EYA1: variants seen among roughly 807,000 people sequenced by gnomAD.
EYA1 encodes the protein EYA transcriptional coactivator and phosphatase 1.
In EYA1, 16 loss-of-function variants were observed where a neutral mutation model predicts 82.0. The ratio of observed to expected loss-of-function variants is 0.20; its 90% confidence interval spans 0.13 to 0.30. EYA1 has a LOEUF of 0.30. EYA1 is among the 10% of genes least tolerant of loss of function. EYA1 has a pLI of 1.00. For missense variants in EYA1, 633 were observed against 730.7 expected, an observed-to-expected ratio of 0.87 and a Z score of 1.54; for synonymous variants, 261 against 264.4, an observed-to-expected ratio of 0.99 and a Z score of 0.12.
At chr8:71,301,343 A>T (rs1413696920) in intron 7 of EYA1, among the ~76,000 whole-genome samples, 1 of 152,174 alleles carries the variant, frequency 6.6e-6, no homozygotes, top group Non-Finnish European at 1.5e-5. Context: ...AGATCAGATG[A>T]GGTAATGTTT....
intron 2 of EYA1, among the ~76,000 whole-genome samples, chr8:71,436,738 C>T (rs1204105062): frequency 6.6e-6 from 1 of 152,044 alleles, no homozygotes; most frequent in African/African-American, 2.4e-5. Flanking sequence ...AAAGAGAAAT[C>T]TTTAAACAAA....
At chr8:71,376,722 C>T (rs1468268076) in intron 2 of EYA1, among the ~76,000 whole-genome samples, 2 of 152,134 alleles carry the variant, frequency 1.3e-5, no homozygotes, top group African/African-American at 2.4e-5. Context: ...ACAAGAAACA[C>T]CAGTGATTTG....
chr8:71,392,426 C>T (rs374607866), intron 2 of EYA1, among the ~76,000 whole-genome samples: 93 of 152,268 alleles, frequency 6.1e-4, no homozygotes, highest in African/African-American at 2.1e-3. Context: ...ATGGGGCTTA[C>T]TCCTATATAA....
intron 17 of EYA1, among the ~76,000 whole-genome samples, chr8:71,200,541 A>G (rs1806846361): frequency 1.3e-5 from 2 of 151,602 alleles, no homozygotes; most frequent in South Asian, 2.1e-4. Flanking sequence ...ACTCAAGACT[A>G]TTTTGGTGTA....
At chr8:71,278,858 G>A (rs16937549) in intron 9 of EYA1, among the ~76,000 whole-genome samples, 13,378 of 152,210 alleles carry the variant, frequency 0.088, 1,039 homozygotes, top group East Asian at 0.43. Flanking sequence ...GGTTGCAAAG[G>A]AAGTAGAATA....
At chr8:71,356,085 C>A (rs990228935) in intron 2 of EYA1, among the ~76,000 whole-genome samples, 2 of 152,190 alleles carry the variant, frequency 1.3e-5, no homozygotes, top group Non-Finnish European at 2.9e-5. Flanking sequence ...GTCGCACTTA[C>A]ATTGACTATG....
chr8:71,424,823 C>A (rs1157049139), intron 2 of EYA1, among the ~76,000 whole-genome samples: 1 of 152,200 alleles, frequency 6.6e-6, no homozygotes, highest in East Asian at 1.9e-4. Context: ...CATGTGACTT[C>A]CTTCCTGCGG....
chr8:71,392,315 A>G (rs576882467), intron 2 of EYA1, among the ~76,000 whole-genome samples: 3 of 152,154 alleles, frequency 2.0e-5, no homozygotes, highest in African/African-American at 4.8e-5. Context: ...CCAAAAAGAT[A>G]AAGAATTTCT....
chr8:71,381,533 A>C (rs1392859961), intron 2 of EYA1, among the ~76,000 whole-genome samples: 2 of 152,216 alleles, frequency 1.3e-5, no homozygotes, highest in Non-Finnish European at 2.9e-5. Flanking sequence ...CCTAGGACAG[A>C]CCAAATCCTG....
chr8:71,230,161 A>G (rs921134704), intron 12 of EYA1, among the ~76,000 whole-genome samples: 2 of 152,034 alleles, frequency 1.3e-5, no homozygotes, highest in Non-Finnish European at 2.9e-5. Context: ...CTCTTGCACT[A>G]TTCAACCTTA....
intron 2 of EYA1, among the ~76,000 whole-genome samples, chr8:71,444,802 C>A (rs992596129): frequency 3.3e-5 from 5 of 152,218 alleles, no homozygotes; most frequent in African/African-American, 1.2e-4. Flanking sequence ...TCTACACCAT[C>A]GACCAGATTT....
intron 7 of EYA1, among the ~76,000 whole-genome samples, chr8:71,315,627 C>T (rs1821839254): frequency 6.6e-6 from 1 of 152,204 alleles, no homozygotes; most frequent in African/African-American, 2.4e-5. Context: ...AGCAAACAGA[C>T]CTTGTCTGCC....
intron 17 of EYA1, among the ~76,000 whole-genome samples, chr8:71,204,813 G>A (rs898391464): frequency 6.6e-6 from 1 of 152,212 alleles, no homozygotes; most frequent in East Asian, 1.9e-4. Context: ...AACTTATTAT[G>A]AAACTTATTG....
chr8:71,331,993 G>A (rs1301519869), intron 4 of EYA1, among the ~76,000 whole-genome samples: 11 of 152,022 alleles, frequency 7.2e-5, no homozygotes, highest in African/African-American at 1.7e-4. Context: ...GACCACAGGC[G>A]CATGCCACCA....
At chr8:71,352,171 A>C (rs1223051289) in intron 3 of EYA1, among the ~76,000 whole-genome samples, 2 of 152,200 alleles carry the variant, frequency 1.3e-5, no homozygotes, top group Non-Finnish European at 2.9e-5. Context: ...TAAGATTTCA[A>C]AGAAGAAATA....
At position 71,312,407 on chromosome 8, in the gene EYA1, T is replaced by C. The variant is rs190677955; in HGVS notation, c.556+5145A>G. Among the ~76,000 whole-genome samples the C allele has an allele frequency of 3.0e-3, 455 of 152,338 alleles. 7 individuals carry two copies. The highest frequency in any genetic ancestry group is 0.01 in the African/African-American group (427 of 41,580). ...CATACAAACTAAATTACTAATTTTA[T>C]GCATTCTTTAGCATTTTCAGGTTCT... On this transcript the variant is annotated intron_variant, in intron 7 of 17. Transcript: ENST00000340726.
chr8:71,219,249 C>A (rs1025081888), intron 12 of EYA1, among the ~76,000 whole-genome samples: 1 of 152,198 alleles, frequency 6.6e-6, no homozygotes, highest in Non-Finnish European at 1.5e-5. Flanking sequence ...AGTGTCAACA[C>A]CTTCAAGCTT....
intron 2 of EYA1, among the ~76,000 whole-genome samples, chr8:71,397,843 C>T (rs1421659280): frequency 2.0e-5 from 3 of 152,058 alleles, no homozygotes; most frequent in African/African-American, 7.2e-5. Context: ...CCTGCCTTGC[C>T]ACGTTGTGGA....
chr8:71,467,962 G>A (rs1012452291), intron 2 of EYA1, among the ~76,000 whole-genome samples: 1 of 152,062 alleles, frequency 6.6e-6, no homozygotes, highest in Non-Finnish European at 1.5e-5. Flanking sequence ...TAGCAGGAAA[G>A]GTGTCTGTAA....
Sources: allele counts gnomAD v4.1 joint callset (sites outside exome capture counted in the v4.1 genomes callset), GRCh38; gene constraint gnomAD v4.1.1; transcripts MANE v1.5; gene names NCBI Gene and HGNC (gene_info 2026-07-23, HGNC 2026-07-21).